LRP12: variants seen among roughly 807,000 people sequenced by gnomAD.
LRP12 encodes low-density lipoprotein receptor-related protein 12.
LRP12 carries 14 observed loss-of-function variants against 66.0 expected under a neutral mutation model. The observed-to-expected ratio is 0.21, with a 90% CI of 0.14 to 0.33. The LOEUF is 0.33. Among genes scored for constraint, LRP12 ranks in the 10% least tolerant of loss-of-function variants. LRP12 has a pLI of 1.00. For missense variants in LRP12, 889 were observed against 1,053.4 expected (o/e 0.84, Z 2.16); for synonymous variants, 357 against 359.1 (o/e 0.99, Z 0.07).
At chr8:104,504,477 C>T (rs1810875570) in intron 3 of LRP12, 1 of 151,994 alleles carries the variant, frequency 6.6e-6, no homozygotes, top group Admixed American at 6.5e-5. Context: ...TCAATGTATT[C>T]TAACAGTTTT....
chr8:104,546,194 G>A (rs981922994), intron 1 of LRP12, among the ~76,000 whole-genome samples: 6 of 151,998 alleles, frequency 3.9e-5, no homozygotes, highest in African/African-American at 1.5e-4. Context: ...ATTAACAGTT[G>A]ATGTAACTGG....
At chr8:104,545,673 TA>T (rs1811545325) in intron 1 of LRP12, among the ~76,000 whole-genome samples, 1 of 152,194 alleles carries the variant, frequency 6.6e-6, no homozygotes, top group Middle Eastern at 3.2e-3. Context: ...AAGGTATATA[TA>T]TTTTTTAGAT....
At chr8:104,520,166 C>A (rs569540350) in intron 2 of LRP12, among the ~76,000 whole-genome samples, 41 of 152,002 alleles carry the variant, frequency 2.7e-4, no homozygotes, top group Non-Finnish European at 5.2e-4. Flanking sequence ...CCTGAAATTT[C>A]TTAGTAAGAA....
chr8:104,558,476 A>C lies in LRP12; in HGVS notation c.80-26513T>G, dbSNP rs113515580. On this transcript the variant is annotated intron_variant, in intron 1 of 6. Transcript: ENST00000276654. ...CAACTCAACATGGATCAAGGACTTAAATCTAAGACCTGAAACCATAAAAAT... is the reference window on the plus strand; with the variant it reads ...CAACTCAACATGGATCAAGGACTTACATCTAAGACCTGAAACCATAAAAAT... Among the ~76,000 whole-genome samples, 645 of 152,320 alleles carry C rather than the reference A, an allele frequency of 4.2e-3. 7 individuals are homozygous for C. Among genetic ancestry groups the C allele is most frequent in the African/African-American group, 0.015 (615 of 41,570 alleles).
chr8:104,548,221 ATGATATATT>A (rs1564141917), intron 1 of LRP12, among the ~76,000 whole-genome samples: 5 of 101,458 alleles, frequency 4.9e-5, no homozygotes, highest in African/African-American at 2.3e-4. Flanking sequence ...ATATTAATAT[ATGATATATT>A]TATATTAATA....
intron 1 of LRP12, among the ~76,000 whole-genome samples, chr8:104,585,254 T>C (rs1812311551): frequency 6.6e-6 from 1 of 152,080 alleles, no homozygotes; most frequent in Non-Finnish European, 1.5e-5. Context: ...TGAGACAGAG[T>C]TTCACTCGTC....
chr8:104,548,692 TG>T (rs1180659189), intron 1 of LRP12, among the ~76,000 whole-genome samples: 3 of 94,916 alleles, frequency 3.2e-5, no homozygotes, highest in Non-Finnish European at 6.8e-5. Context: ...GGCTCACGCC[TG>T]TAATCCCAGT....
At chr8:104,563,609 G>A (rs1168371460) in intron 1 of LRP12, among the ~76,000 whole-genome samples, 1 of 152,060 alleles carries the variant, frequency 6.6e-6, no homozygotes, top group Non-Finnish European at 1.5e-5. Flanking sequence ...ATAGTATTAG[G>A]AGGTGGAGTC....
intron 1 of LRP12, among the ~76,000 whole-genome samples, chr8:104,548,593 A>G (rs13268287): frequency 0.016 from 2,081 of 129,750 alleles, 28 homozygotes; most frequent in Non-Finnish European, 0.019. Flanking sequence ...TTTTGTATAT[A>G]ATATAGAATT....
At chr8:104,570,854 A>G (rs936421860) in intron 1 of LRP12, among the ~76,000 whole-genome samples, 1 of 152,120 alleles carries the variant, frequency 6.6e-6, no homozygotes, top group African/African-American at 2.4e-5. Flanking sequence ...CAGAGGGGGG[A>G]AAAATATATA....
At chr8:104,502,053 A>C (rs1013453695) in intron 3 of LRP12, among the ~76,000 whole-genome samples, 3 of 152,204 alleles carry the variant, frequency 2.0e-5, no homozygotes, top group Non-Finnish European at 4.4e-5. Flanking sequence ...CATAGAAGAT[A>C]CTAATTTTTG....
rs2140822807 is a variant in LRP12, at chr8:104,489,581, C to G, written c.*1092G>C. 1 of 152,116 alleles carries G rather than the reference C, an allele frequency of 6.6e-6. No homozygotes were observed. The highest frequency in any genetic ancestry group is 2.4e-5 in the African/African-American group (1 of 41,496). The allele number at this position is 152,116 out of a possible 1,614,324, so 9.4% of individuals were successfully genotyped here. ...CTTTTGAGAGTGTAGCATGATCCCC[C>G]CCAGGAATAAAATATATTGAAAAAA... On this transcript the variant is annotated 3_prime_UTR_variant, in exon 7 of 7. Coordinates refer to ENST00000276654, the MANE Select transcript of LRP12 (RefSeq NM_013437.5).
intron 1 of LRP12, among the ~76,000 whole-genome samples, chr8:104,540,012 C>T (rs567972591): frequency 2.0e-5 from 3 of 152,264 alleles, no homozygotes; most frequent in Non-Finnish European, 4.4e-5. Flanking sequence ...GCAGGCCTAA[C>T]ATCTAGAATC....
chr8:104,490,372 G>A lies in LRP12; in HGVS notation c.*301C>T. 4.0e-6 allele frequency: 1 copy of A among 252,802 alleles called. No homozygotes were observed. The highest frequency in any genetic ancestry group is 4.9e-5 in the Admixed American group (1 of 20,372). 15.7% of individuals were successfully genotyped at this position (252,802 alleles called of 1,614,324 possible). A position where few individuals can be genotyped will look rare whatever the true frequency, so the allele number is the denominator to read the frequency against. On this transcript the variant is annotated 3_prime_UTR_variant, in exon 7 of 7. Transcript: ENST00000276654. ...GGATAGATAAAAATGACAATCAAAT[G>A]AGTTTCAGCAGCCACATTTCTACAG...
intron 2 of LRP12, among the ~76,000 whole-genome samples, chr8:104,524,083 A>G (rs1811191395): frequency 6.6e-6 from 1 of 151,786 alleles, no homozygotes; most frequent in African/African-American, 2.4e-5. Context: ...CCGTCTCTAC[A>G]AAAACAAAAA....
Position 104,538,171 on chromosome 8 carries a change from AG to A in LRP12, c.80-6209del, listed in dbSNP as rs371009329. ...TGAATTACATTTTCTGAAGCATTTA[AG>A]GGCATTGTTAAAAAGAGAAAAAGGA... On this transcript the variant is annotated intron_variant, in intron 1 of 6. Transcript: ENST00000276654. Among the ~76,000 whole-genome samples, 87 of 152,354 alleles carry A rather than the reference AG, an allele frequency of 5.7e-4. 1 individual carries two copies. The highest frequency in any genetic ancestry group is 2.0e-3 in the African/African-American group (82 of 41,602).
chr8:104,515,498 A>T (rs112866912), intron 2 of LRP12, among the ~76,000 whole-genome samples: 2,727 of 152,290 alleles, frequency 0.018, 88 homozygotes, highest in African/African-American at 0.061. Flanking sequence ...TTTTTGGCTA[A>T]AATTACTGCT....
At chr8:104,588,783 G>A (rs1006809629) in intron 1 of LRP12, 36 bp downstream of exon 1, 1 of 1,602,400 alleles carries the variant, frequency 6.2e-7, no homozygotes, top group Admixed American at 1.7e-5. Flanking sequence ...CCTCAGCTTT[G>A]TTCGGTCAGC....
chr8:104,539,152 C>A (rs1365944257), intron 1 of LRP12, among the ~76,000 whole-genome samples: 1 of 152,108 alleles, frequency 6.6e-6, no homozygotes, highest in Non-Finnish European at 1.5e-5. Context: ...CATAAACAAA[C>A]ACTTAGGACA....
Sources: allele counts gnomAD v4.1 joint callset (sites outside exome capture counted in the v4.1 genomes callset), GRCh38; gene constraint gnomAD v4.1.1; transcripts MANE v1.5; gene names NCBI Gene and HGNC (gene_info 2026-07-23, HGNC 2026-07-21).